The following SPNS3 variants were observed in gnomAD, a reference collection of about 807,000 sequenced individuals.
SPNS3 encodes the protein SPNS lysolipid transporter 3, sphingosine-1-phosphate (putative), also known as protein spinster homolog 3.
SPNS3 carries 51 observed loss-of-function variants against 54.4 expected under a neutral mutation model. The ratio of observed to expected loss-of-function variants is 0.94; its 90% CI spans 0.75 to 1.18. The LOEUF (loss-of-function observed/expected upper bound fraction) is 1.18. Ranked by LOEUF, SPNS3 falls within the 50% of genes most tolerant of loss-of-function variation. SPNS3 has a pLI of 0.00. For synonymous variants in SPNS3, 309 were observed against 294.7 expected (o/e 1.05, Z -0.50); for missense variants, 669 against 677.4 (o/e 0.99, Z 0.14).
chr17:4,459,528 A>C (rs1971436135), intron 8 of SPNS3, among the ~76,000 whole-genome samples: 1 of 152,112 alleles, frequency 6.6e-6, no homozygotes, highest in Non-Finnish European at 1.5e-5. Context: ...CCTGGGCAAC[A>C]CGGCAAAACC....
intron 4 of SPNS3, 146 bp from the exon 5 acceptor site, chr17:4,446,750 C>G: frequency 1.4e-6 from 1 of 719,186 alleles, no homozygotes; most frequent in Non-Finnish European, 2.4e-6. Flanking sequence ...CCTCACGTGG[C>G]TTACTTTCCT....
intron 8 of SPNS3, among the ~76,000 whole-genome samples, chr17:4,459,865 A>G (rs1971449078): frequency 6.6e-6 from 1 of 152,248 alleles, no homozygotes; most frequent in African/African-American, 2.4e-5. Flanking sequence ...TAAAATTCAG[A>G]GTATTTCAGA....
At chr17:4,468,636 G>A (rs1046773044) in intron 8 of SPNS3, among the ~76,000 whole-genome samples, 4 of 152,068 alleles carry the variant, frequency 2.6e-5, no homozygotes, top group Non-Finnish European at 4.4e-5. Context: ...GGAGGGATTA[G>A]CAGTTCCATT....
chr17:4,445,972 C>T, intron 3 of SPNS3, 76 bp from the exon 4 acceptor site: 1 of 1,515,976 alleles, frequency 6.6e-7, no homozygotes, highest in South Asian at 1.3e-5. Flanking sequence ...CCCTTGGCTC[C>T]TCCGACAAAC....
chr17:4,469,559 C>A (rs962448787), intron 8 of SPNS3, among the ~76,000 whole-genome samples: 1 of 140,494 alleles, frequency 7.1e-6, no homozygotes, highest in African/African-American at 2.8e-5. Flanking sequence ...GTGGAGGTTG[C>A]AGTGAGCCAG....
At chr17:4,458,590 T>TTCCTTTCC (rs1567563840) in intron 8 of SPNS3, among the ~76,000 whole-genome samples, 2 of 58,628 alleles carry the variant, frequency 3.4e-5, no homozygotes. Flanking sequence ...CCTTCCCTCC[T>TTCCTTTCC]TTCTTTCTTT....
At chr17:4,437,177 G>C (rs978820707) in intron 1 of SPNS3, among the ~76,000 whole-genome samples, 5 of 152,082 alleles carry the variant, frequency 3.3e-5, no homozygotes, top group Non-Finnish European at 1.5e-5. Context: ...GGCCAGGGTG[G>C]TAGGCTACAG....
chr17:4,452,929 G>T, intron 7 of SPNS3, 87 bp from the exon 8 acceptor site: 1 of 1,339,050 alleles, frequency 7.5e-7, no homozygotes. Context: ...TTGAGCCGAG[G>T]GGCTAGACCT....
intron 7 of SPNS3, among the ~76,000 whole-genome samples, chr17:4,452,374 G>A (rs1009808770): frequency 4.6e-5 from 7 of 152,092 alleles, no homozygotes; most frequent in African/African-American, 7.2e-5. Flanking sequence ...TTATTTTGGA[G>A]GGACAGGTCT....
chr17:4,447,110 G>A (rs1447177561), intron 5 of SPNS3, 148 bp downstream of exon 5: 1 of 802,948 alleles, frequency 1.2e-6, no homozygotes, highest in East Asian at 2.7e-5. Flanking sequence ...CTTTGGACAT[G>A]TGGGGCCTCA....
intron 8 of SPNS3, among the ~76,000 whole-genome samples, chr17:4,460,400 T>G (rs12602153): frequency 0.57 from 85,585 of 150,056 alleles, 25,361 homozygotes; most frequent in Non-Finnish European, 0.63. Flanking sequence ...CCATGGTCAT[T>G]GTGGGTAATC....
At chr17:4,446,811 G>A in intron 4 of SPNS3, 85 bp from the exon 5 acceptor site, 1 of 1,316,752 alleles carries the variant, frequency 7.6e-7, no homozygotes, top group South Asian at 1.2e-5. Context: ...GGGCGTGGGG[G>A]GGGCACCCTG....
intron 7 of SPNS3, among the ~76,000 whole-genome samples, chr17:4,451,250 GT>G (rs1315287916): frequency 6.1e-4 from 56 of 91,296 alleles, no homozygotes; most frequent in Middle Eastern, 6.2e-3. Flanking sequence ...CTTCTTCTTT[GT>G]TTTTTTTTTT....
chr17:4,479,895 C>T (rs1306147083), intron 9 of SPNS3, among the ~76,000 whole-genome samples: 5 of 152,242 alleles, frequency 3.3e-5, no homozygotes, highest in Admixed American at 3.3e-4. Flanking sequence ...GAAGATCCAT[C>T]TGCCTGGCAC....
intron 8 of SPNS3, among the ~76,000 whole-genome samples, chr17:4,458,544 CT>C (rs2144097807): frequency 1.8e-5 from 2 of 113,000 alleles, no homozygotes; most frequent in Admixed American, 1.0e-4. Context: ...TCCTTCCTTC[CT>C]TTCCTTCCTT....
chr17:4,448,635 C>T (rs577869027), intron 6 of SPNS3, among the ~76,000 whole-genome samples: 22 of 152,366 alleles, frequency 1.4e-4, no homozygotes, highest in African/African-American at 4.6e-4. Flanking sequence ...TCCAGCCTTG[C>T]CCCCTTCTCC....
chr17:4,436,946 G>A (rs999554471), intron 1 of SPNS3, among the ~76,000 whole-genome samples: 6 of 152,220 alleles, frequency 3.9e-5, no homozygotes, highest in Non-Finnish European at 7.3e-5. Flanking sequence ...CTGGGGACCC[G>A]CTATCTCTGC....
At chr17:4,454,976 C>T (rs1222118975) in intron 8 of SPNS3, among the ~76,000 whole-genome samples, 2 of 151,282 alleles carry the variant, frequency 1.3e-5, no homozygotes, top group South Asian at 2.1e-4. Flanking sequence ...TGCGGTGGCG[C>T]GATCTCAGCT....
intron 9 of SPNS3, among the ~76,000 whole-genome samples, chr17:4,484,544 C>T (rs1972258413): frequency 6.6e-6 from 1 of 152,154 alleles, no homozygotes; most frequent in Non-Finnish European, 1.5e-5. Flanking sequence ...TGGTCTTGAA[C>T]TCCTGACCTC....
Sources: gnomAD v4.1 joint callset for allele counts (sites outside exome capture counted in the v4.1 genomes callset) on GRCh38, gnomAD v4.1.1 for gene constraint, MANE v1.5 for transcripts, NCBI Gene and HGNC (gene_info 2026-07-23, HGNC 2026-07-21) for gene names.